Variants in C1orf21 observed in about 807,000 individuals in gnomAD.
C1orf21 encodes the protein uncharacterized protein C1orf21.
A neutral mutation model predicts 18.7 loss-of-function variants in C1orf21; 3 were observed. That is an observed-to-expected ratio of 0.16 (90% CI 0.07 to 0.42). C1orf21 has a LOEUF of 0.42. C1orf21 is among the 10% of genes least tolerant of loss of function. C1orf21 has a pLI of 0.99. For missense variants in C1orf21, 104 were observed against 143.6 expected, an observed-to-expected ratio of 0.72 and a Z score of 1.41; for synonymous variants, 41 against 46.4, an observed-to-expected ratio of 0.88 and a Z score of 0.47.
At chr1:184,619,259 TTATAA>T (rs1448570890) in intron 5 of C1orf21, among the ~76,000 whole-genome samples, 2 of 152,216 alleles carry the variant, frequency 1.3e-5, no homozygotes, top group Non-Finnish European at 2.9e-5. Context: ...AATATGGCTG[TTATAA>T]TATAAATTCT....
At chr1:184,559,906 C>T (rs1256073129) in intron 3 of C1orf21, among the ~76,000 whole-genome samples, 2 of 152,108 alleles carry the variant, frequency 1.3e-5, no homozygotes, top group Admixed American at 6.6e-5. Flanking sequence ...CGTGAGCCAC[C>T]GTTGCTGGCT....
At chr1:184,501,639 T>C (rs999119270) in intron 2 of C1orf21, among the ~76,000 whole-genome samples, 6 of 152,192 alleles carry the variant, frequency 3.9e-5, no homozygotes, top group Non-Finnish European at 7.3e-5. Flanking sequence ...GGGCTGAGTG[T>C]TGTCTCTGGC....
chr1:184,527,542 G>A (rs1264586272), intron 3 of C1orf21, among the ~76,000 whole-genome samples: 3 of 152,138 alleles, frequency 2.0e-5, no homozygotes, highest in African/African-American at 7.2e-5. Flanking sequence ...AGAGGCCAGG[G>A]ACTTAAAAGA....
chr1:184,585,909 A>G, intron 3 of C1orf21, among the ~76,000 whole-genome samples: 1 of 152,056 alleles, frequency 6.6e-6, no homozygotes, highest in Non-Finnish European at 1.5e-5. Context: ...TGCTATTGTG[A>G]GTAGTTCTGC....
At chr1:184,412,579 C>T (rs555538884) in intron 1 of C1orf21, among the ~76,000 whole-genome samples, 32 of 152,156 alleles carry the variant, frequency 2.1e-4, no homozygotes, top group African/African-American at 7.7e-4. Context: ...CATATGAAAA[C>T]AAGAAACACT....
intron 1 of C1orf21, chr1:184,408,294 T>A (rs994082701): frequency 5.9e-5 from 9 of 152,362 alleles, no homozygotes; most frequent in African/African-American, 2.2e-4. Flanking sequence ...TTAATATTGT[T>A]ACATCACAGT....
chr1:184,474,396 T>C (rs1251307453), intron 1 of C1orf21, among the ~76,000 whole-genome samples: 1 of 152,090 alleles, frequency 6.6e-6, no homozygotes, highest in Admixed American at 6.6e-5. Flanking sequence ...AATAGAGACA[T>C]CCTTTAAAAA....
At chr1:184,605,345 C>G (rs1211071998) in intron 5 of C1orf21, among the ~76,000 whole-genome samples, 3 of 152,214 alleles carry the variant, frequency 2.0e-5, no homozygotes, top group Non-Finnish European at 2.9e-5. Flanking sequence ...TTTAGACTGA[C>G]AGCTCCCTAA....
chr1:184,609,120 A>G (rs1323208410), intron 5 of C1orf21, among the ~76,000 whole-genome samples: 2 of 152,204 alleles, frequency 1.3e-5, no homozygotes, highest in African/African-American at 4.8e-5. Context: ...AACTTAAAGT[A>G]TGTCCCTCAC....
chr1:184,512,508 C>T (rs900898129), intron 3 of C1orf21, among the ~76,000 whole-genome samples: 2 of 152,156 alleles, frequency 1.3e-5, no homozygotes. Context: ...CATTTATGTA[C>T]TCACAATATG....
chr1:184,505,357 T>C (rs953149047), intron 2 of C1orf21, among the ~76,000 whole-genome samples: 2 of 127,310 alleles, frequency 1.6e-5, no homozygotes, highest in African/African-American at 6.1e-5. Flanking sequence ...ATGCCATATA[T>C]ATATAGACAT....
intron 2 of C1orf21, among the ~76,000 whole-genome samples, chr1:184,486,078 A>T (rs917624715): frequency 6.6e-6 from 1 of 152,186 alleles, no homozygotes; most frequent in African/African-American, 2.4e-5. Context: ...CGAAGTGCAC[A>T]TGGGGCTCAT....
At chr1:184,613,656 C>T (rs1027935340) in intron 5 of C1orf21, among the ~76,000 whole-genome samples, 74 of 152,220 alleles carry the variant, frequency 4.9e-4, no homozygotes, top group Admixed American at 4.6e-3. Flanking sequence ...CCCTGCTACC[C>T]CCACACCCCA....
chr1:184,460,685 CTTTCTTCT>C, intron 1 of C1orf21, among the ~76,000 whole-genome samples: 1 of 106,902 alleles, frequency 9.4e-6, no homozygotes, highest in East Asian at 2.8e-4. Flanking sequence ...TCTTCTTCTT[CTTTCTTCT>C]TTCTTTTTTT....
chr1:184,573,851 A>G (rs1028208120), intron 3 of C1orf21, among the ~76,000 whole-genome samples: 1 of 152,176 alleles, frequency 6.6e-6, no homozygotes, highest in Non-Finnish European at 1.5e-5. Context: ...TCTTTAAAAA[A>G]TTAAAAATAA....
intron 1 of C1orf21, among the ~76,000 whole-genome samples, chr1:184,424,856 C>G (rs941353599): frequency 6.6e-6 from 1 of 152,166 alleles, no homozygotes; most frequent in Non-Finnish European, 1.5e-5. Flanking sequence ...ACCATAATCT[C>G]CAACTGTAGT....
At chr1:184,540,728 G>A (rs1010300679) in intron 3 of C1orf21, among the ~76,000 whole-genome samples, 1 of 152,200 alleles carries the variant, frequency 6.6e-6, no homozygotes, top group African/African-American at 2.4e-5. Context: ...ACCGTGCCCA[G>A]CCAGGAATTT....
intron 2 of C1orf21, among the ~76,000 whole-genome samples, chr1:184,497,376 A>G (rs1657908788): frequency 2.0e-5 from 3 of 152,218 alleles, no homozygotes; most frequent in African/African-American, 7.2e-5. Context: ...ATCAACTGGA[A>G]ATGATCTTTT....
At chr1:184,449,530 A>G (rs1157959688) in intron 1 of C1orf21, among the ~76,000 whole-genome samples, 25 of 152,180 alleles carry the variant, frequency 1.6e-4, no homozygotes, top group Admixed American at 1.6e-3. Context: ...GTGTCTTTAT[A>G]GCAGCATGAT....
Sources: gnomAD v4.1 joint callset for allele counts (sites outside exome capture counted in the v4.1 genomes callset) on GRCh38, gnomAD v4.1.1 for gene constraint, MANE v1.5 for transcripts, NCBI Gene and HGNC (gene_info 2026-07-23, HGNC 2026-07-21) for gene names.